METTL6: variants seen among roughly 807,000 people sequenced by gnomAD.
The protein encoded by METTL6 is tRNA N(3)-cytidine methyltransferase METTL6.
In METTL6, 22 loss-of-function variants were observed where a neutral mutation model predicts 26.4. That is an observed-to-expected ratio of 0.83 (90% CI 0.59 to 1.19). METTL6 has a LOEUF of 1.19. Ranked by LOEUF, METTL6 falls within the 50% of genes most tolerant of loss-of-function variation. The pLI, the probability that METTL6 is intolerant of heterozygous loss-of-function variation, is 0.00. For missense variants in METTL6, 304 were observed against 324.8 expected (o/e 0.94, Z 0.49); for synonymous variants, 109 against 116.2 (o/e 0.94, Z 0.40).
intron 6 of METTL6, among the ~76,000 whole-genome samples, chr3:15,395,207 G>C (rs1699454411): frequency 6.6e-6 from 1 of 152,158 alleles, no homozygotes; most frequent in African/African-American, 2.4e-5. Context: ...TATATATTTA[G>C]GATAGTTAGC....
chr3:15,408,010 G>A (rs1575411208), downstream of METTL6, among the ~76,000 whole-genome samples: 1 of 152,174 alleles, frequency 6.6e-6, no homozygotes, highest in African/African-American at 2.4e-5. Context: ...CTGCTGTAAT[G>A]CAGTTTGTGT....
chr3:15,414,326 C>G lies in METTL6; in HGVS notation c.532-164G>C, dbSNP rs372194421. ...CCTACTACTTAAAAAGATAGTAAGA[C>G]CAGGCAGGGCTCCATAACACTAAGA... On this transcript the variant is annotated intron_variant, in intron 4 of 5. Transcript: ENST00000383790. The G allele has an allele frequency of 3.4e-5, 48 of 1,413,582 alleles. No homozygotes were observed. In the East Asian group the frequency reaches 1.0e-3, roughly 30 times the overall value. The allele number at this position is 1,413,582 out of a possible 1,614,324, so 87.6% of individuals were successfully genotyped here. A position where few individuals can be genotyped will look rare whatever the true frequency, so the allele number is the denominator to read the frequency against.
At chr3:15,387,902 T>A (rs1413841691) in intron 6 of METTL6, among the ~76,000 whole-genome samples, 1 of 151,884 alleles carries the variant, frequency 6.6e-6, no homozygotes, top group Non-Finnish European at 1.5e-5. Flanking sequence ...AGCCTTGACC[T>A]ACTGGGCTCA....
In METTL6 at chr3:15,391,329, G is replaced by A. The variant is rs184745469; in HGVS notation, c.*12-7142C>T. On this transcript the variant is annotated intron_variant, in intron 6 of 6. Coordinates refer to the METTL6 transcript ENST00000443029. ...AGGCTTAAGGGTGGGGTTTACCCAG[G>A]AGCCCAGCCCTTCTGTATCAATGGC... Among the ~76,000 whole-genome samples, 10 of 152,266 alleles carry A rather than the reference G, an allele frequency of 6.6e-5. No individual in the cohort carries two copies. In the East Asian group the frequency reaches 1.5e-3, roughly 23 times the overall value.
In METTL6 at chr3:15,401,536, CAAAAAAAAAA is replaced by C. The variant is rs35578326; in HGVS notation, c.*11+9699_*11+9708del. On this transcript the variant is annotated intron_variant, in intron 6 of 6. Coordinates refer to the METTL6 transcript ENST00000443029. ...AGGATACAGTGAGCCATGTTCACGC[CAAAAAAAAAA>C]AAAAAAAAAAAGAAAGAAAGAAAAA... 1.4e-4 allele frequency among the ~76,000 whole-genome samples: 10 copies of C among 71,850 alleles called. No homozygotes were observed. In the East Asian group the frequency reaches 2.6e-3, roughly 19 times the overall value. The allele number at this position is 71,850 out of a possible 152,430, so 47.1% of individuals were successfully genotyped here. A position where few individuals can be genotyped will look rare whatever the true frequency, so the allele number is the denominator to read the frequency against.
intron 6 of METTL6, among the ~76,000 whole-genome samples, chr3:15,392,928 C>T (rs148424604): frequency 0.099 from 15,022 of 152,044 alleles, 1,175 homozygotes; most frequent in African/African-American, 0.22. Context: ...AGTCAGGTAG[C>T]GTGATGCCTC....
intron 3 of METTL6, among the ~76,000 whole-genome samples, chr3:15,421,061 C>G (rs548597687): frequency 1.3e-5 from 2 of 152,240 alleles, no homozygotes; most frequent in Admixed American, 6.5e-5. Context: ...AATGACAGAA[C>G]AGGATAAAGA....
intron 4 of METTL6, chr3:15,414,808 A>G: frequency 2.2e-6 from 1 of 463,852 alleles, no homozygotes; most frequent in South Asian, 1.6e-5. Context: ...TGTAGTCCCA[A>G]CTACTTCAGA....
intron 6 of METTL6, among the ~76,000 whole-genome samples, chr3:15,399,751 C>T (rs1419480118): frequency 6.6e-6 from 1 of 152,004 alleles, no homozygotes; most frequent in Non-Finnish European, 1.5e-5. Flanking sequence ...ATATCCCCAT[C>T]CAAGGTACCT....
downstream of METTL6, among the ~76,000 whole-genome samples, chr3:15,406,664 A>G (rs1252132792): frequency 7.0e-6 from 1 of 143,576 alleles, no homozygotes; most frequent in Admixed American, 7.0e-5. Context: ...AGAGAGAGAG[A>G]GAGATGGAGT....
chr3:15,384,062 T>C (rs942204491), exon 7 of METTL6: 4 of 358,764 alleles, frequency 1.1e-5, no homozygotes, highest in African/African-American at 4.6e-5. Flanking sequence ...CCAGGCAAAA[T>C]TAGGGTTGAG....
At chr3:15,405,056 A>T (rs979784646), downstream of METTL6, among the ~76,000 whole-genome samples, 3 of 152,260 alleles carry the variant, frequency 2.0e-5, no homozygotes, top group African/African-American at 7.2e-5. Context: ...GCAGACAATT[A>T]TCTGTGCTGC....
In METTL6 at chr3:15,411,153, C is replaced by T; in HGVS notation, c.*103G>A. 1 of 1,327,898 alleles carries T rather than the reference C, an allele frequency of 7.5e-7. No individual in the cohort carries two copies. The highest frequency in any genetic ancestry group is 1.0e-6 in the Non-Finnish European group (1 of 977,192). 82.3% of individuals were successfully genotyped at this position (1,327,898 alleles called of 1,614,324 possible). ...CAGATGATCCCCCAACCTCGGCCTC[C>T]CGAAGTGCTGGGATTACAGGCATGA... On this transcript the variant is annotated 3_prime_UTR_variant, in exon 6 of 6. Transcript: ENST00000383790.
chr3:15,392,978 G>C (rs921388636), intron 6 of METTL6, among the ~76,000 whole-genome samples: 3 of 152,102 alleles, frequency 2.0e-5, no homozygotes, highest in African/African-American at 7.2e-5. Flanking sequence ...TTGGCAATGC[G>C]GGCTCTTTTT....
At chr3:15,399,436 TG>T (rs1436372848) in intron 6 of METTL6, 1 of 151,720 alleles carries the variant, frequency 6.6e-6, no homozygotes, top group African/African-American at 2.4e-5. Context: ...GGGTCTGGAT[TG>T]GGATCCCTTT....
chr3:15,424,869 A>C (rs898244072), intron 3 of METTL6, 86 bp downstream of exon 3: 6 of 1,579,618 alleles, frequency 3.8e-6, no homozygotes, highest in Non-Finnish European at 5.2e-6. Context: ...GGAAGACTAG[A>C]ATTGGGCAAA....
rs1575420984 is a variant in METTL6 at position 15,414,055 on chromosome 3, T to C, written c.639A>G (p.Arg213=). 1 of 1,614,188 alleles carries C rather than the reference T, an allele frequency of 6.2e-7. No individual in the cohort carries two copies. The highest frequency in any genetic ancestry group is 8.5e-7 in the Non-Finnish European group (1 of 1,180,026). The change falls in exon 5 of 6, where the codon AGA becomes AGG. Residue 213 remains arginine (R), a synonymous_variant. Coordinates refer to ENST00000383790, the MANE Select transcript of METTL6 (RefSeq NM_152396.4). ...SSKLGENFYV[R]QDGTRSYFFT... Reference sequence around the variant, plus strand: ...AAAAATATGATCTGGTCCCATCTTGTCTAACATAAAAGTTTTCTCCAAGTT... The same window carrying C: ...AAAAATATGATCTGGTCCCATCTTGCCTAACATAAAAGTTTTCTCCAAGTT...
intron 6 of METTL6, among the ~76,000 whole-genome samples, chr3:15,392,712 T>C (rs1367397777): frequency 1.3e-5 from 2 of 152,220 alleles, no homozygotes. Flanking sequence ...GCTTTCTACA[T>C]ATGGCTAGCC....
chr3:15,387,132 C>G (rs1467864512), intron 6 of METTL6, among the ~76,000 whole-genome samples: 1 of 152,138 alleles, frequency 6.6e-6, no homozygotes, highest in African/African-American at 2.4e-5. Context: ...GGGAGATTGT[C>G]TTTCTCTGGC....
Sources: gnomAD v4.1 joint callset for allele counts (sites outside exome capture counted in the v4.1 genomes callset) on GRCh38, gnomAD v4.1.1 for gene constraint, MANE v1.5 for transcripts, NCBI Gene and HGNC (gene_info 2026-07-23, HGNC 2026-07-21) for gene names.